The following TM7SF2 variants were observed in gnomAD, a reference collection of about 807,000 sequenced individuals.
TM7SF2 encodes the protein delta(14)-sterol reductase TM7SF2.
In TM7SF2, 51 loss-of-function variants were observed where a neutral mutation model predicts 51.0. The ratio of observed to expected loss-of-function variants is 1.00; its 90% CI spans 0.80 to 1.26. TM7SF2 has a LOEUF of 1.26. Among genes scored for constraint, TM7SF2 ranks in the 50% most tolerant of loss-of-function variants. TM7SF2 has a pLI of 0.00. For synonymous variants in TM7SF2, 255 were observed against 241.0 expected (o/e 1.06, Z -0.54); for missense variants, 541 against 547.4 (o/e 0.99, Z 0.12).
At position 65,112,569 on chromosome 11, in the gene TM7SF2, C is replaced by CG; in HGVS notation, c.109dup (p.Ala37GlyfsTer65). The CG allele has an allele frequency of 7.9e-6, 12 of 1,524,852 alleles. No homozygotes were observed. Among genetic ancestry groups the CG allele is most frequent in the Middle Eastern group, 2.3e-4 (1 of 4,328 alleles). 94.5% of individuals were successfully genotyped at this position (1,524,852 alleles called of 1,614,324 possible). On this transcript the variant is annotated frameshift_variant, in exon 2 of 10. Coordinates refer to ENST00000279263, the MANE Select transcript of TM7SF2 (RefSeq NM_003273.6). LOFTEE classifies it high-confidence loss of function. ...GCCACCATGTTCCACCTGCTCCTGG[C>CG]GGCCCGTTCGGGCCCCGCGCGCCTG...
Position 65,113,307 on chromosome 11 carries a change from T to C in TM7SF2, c.392T>C (p.Leu131Pro). The change falls in exon 4 of 10, where the codon CTG becomes CCG. Residue 131 changes from leucine (L) to proline (P), a missense_variant. By Grantham distance (98) the Leu-to-Pro change is moderately conservative. Transcript: ENST00000279263. ...CTGGGGGCGCTCCCGGAAATGCTCC[T>C]GCCCTTGGCGTTTGTCGCCACCCTC... ...LPLGALPEML[L>P]PLAFVATLTA... is the part of the protein sequence containing the mutation. 6.2e-7 allele frequency: 1 copy of C among 1,613,228 alleles called. No homozygotes were observed. Among genetic ancestry groups the C allele is most frequent in the East Asian group, 2.2e-5 (1 of 44,888 alleles).
At chr11:65,114,853 G>A in intron 6 of TM7SF2, 21 bp downstream of exon 6, 1 of 1,614,234 alleles carries the variant, frequency 6.2e-7, no homozygotes, top group Non-Finnish European at 8.5e-7. Flanking sequence ...ACTGGACGAG[G>A]GTGGGTGTCT....
intron 4 of TM7SF2, 35 bp from the exon 5 acceptor site, chr11:65,113,456 G>A (rs189101820): frequency 5.6e-6 from 9 of 1,613,616 alleles, no homozygotes; most frequent in South Asian, 5.5e-5. Context: ...AGATTGGGGC[G>A]TCTGCCTGTA....
chr11:65,112,615 G>GC lies in TM7SF2; in HGVS notation c.155dup (p.Leu54AlafsTer48). ...GCCTGCTGGGTCCACCCGCGTCCCT[G>GC]CCGGGGCTGGAGGTGCTGTGGAGCC... On this transcript the variant is annotated frameshift_variant, in exon 2 of 10. Coordinates refer to ENST00000279263, the MANE Select transcript of TM7SF2 (RefSeq NM_003273.6). LOFTEE classifies it high-confidence loss of function. 6.6e-7 allele frequency: 1 copy of GC among 1,519,834 alleles called. No individual in the cohort carries two copies. 94.1% of individuals were successfully genotyped at this position (1,519,834 alleles called of 1,614,324 possible).
chr11:65,115,218 CAG>C, intron 7 of TM7SF2, 94 bp from the exon 8 acceptor site: 3 of 1,591,918 alleles, frequency 1.9e-6, no homozygotes, highest in Non-Finnish European at 2.6e-6. Context: ...GGGGTCCAGG[CAG>C]AGTCTGGGCT....
chr11:65,114,526 G>A (rs1947950754), intron 5 of TM7SF2, 187 bp from the exon 6 acceptor site: 5 of 685,840 alleles, frequency 7.3e-6, no homozygotes, highest in East Asian at 5.6e-5. Flanking sequence ...AAGGGCTTAG[G>A]ACAGACAAGG....
In TM7SF2 at chr11:65,115,099, A is replaced by C; in HGVS notation, c.892+18A>C. ...CATCAATGGTCAGTCAGGAAGGGGC[A>C]GCAGGCTGGGCCCATCTTCCCCCTA... On this transcript the variant is annotated intron_variant, in intron 7 of 9. Transcript: ENST00000279263. The C allele has an allele frequency of 6.2e-7, 1 of 1,610,634 alleles. No individual in the cohort carries two copies. Among genetic ancestry groups the C allele is most frequent in the South Asian group, 1.1e-5 (1 of 91,022 alleles).
At chr11:65,113,175 T>C in intron 3 of TM7SF2, 45 bp from the exon 4 acceptor site, 1 of 1,510,458 alleles carries the variant, frequency 6.6e-7, no homozygotes, top group Non-Finnish European at 8.8e-7. Flanking sequence ...GGGGTGGGGA[T>C]GTGGAGGCGC....
Position 65,115,610 on chromosome 11 carries a change from A to G in TM7SF2, c.1096+12A>G. On this transcript the variant is annotated intron_variant, in intron 9 of 9. Transcript: ENST00000279263. ...GTCCTTGCCCTGCGGTGAGTGGCCCATGTGGATATGGGTAGGGACATGTGA... is the reference window on the plus strand; with the variant it reads ...GTCCTTGCCCTGCGGTGAGTGGCCCGTGTGGATATGGGTAGGGACATGTGA... 1 of 1,613,864 alleles carries G rather than the reference A, an allele frequency of 6.2e-7. No homozygotes were observed. The highest frequency in any genetic ancestry group is 8.5e-7 in the Non-Finnish European group (1 of 1,179,952).
At chr11:65,115,142 C>G in intron 7 of TM7SF2, 61 bp downstream of exon 7, 2 of 1,599,920 alleles carry the variant, frequency 1.3e-6, no homozygotes, top group Non-Finnish European at 1.7e-6. Context: ...GATTCATGCT[C>G]TGTTTACACG....
chr11:65,113,629 G>A, intron 5 of TM7SF2, 35 bp downstream of exon 5: 1 of 1,598,682 alleles, frequency 6.3e-7, no homozygotes. Context: ...CCTCAGGCCA[G>A]GGGGAGGGTT....
chr11:65,112,915 G>C, intron 3 of TM7SF2, 50 bp downstream of exon 3: 1 of 1,541,142 alleles, frequency 6.5e-7, no homozygotes, highest in Non-Finnish European at 8.8e-7. Flanking sequence ...CGGGGGTGGA[G>C]CTCCAGGCCT....
chr11:65,114,680 T>C (rs1474646843), intron 5 of TM7SF2, 33 bp from the exon 6 acceptor site: 1 of 1,608,658 alleles, frequency 6.2e-7, no homozygotes, highest in Non-Finnish European at 8.5e-7. Flanking sequence ...CTGCCACTTC[T>C]GTGGAGACTA....
chr11:65,113,679 C>A, intron 5 of TM7SF2, 85 bp downstream of exon 5: 1 of 1,151,416 alleles, frequency 8.7e-7, no homozygotes, highest in Non-Finnish European at 1.3e-6. Context: ...AGGGCCAAAA[C>A]TGTGCAGATG....
chr11:65,113,267 T>G lies in TM7SF2; in HGVS notation c.352T>G (p.Ser118Ala). The G allele has an allele frequency of 6.2e-7, 1 of 1,608,046 alleles. No individual in the cohort carries two copies. Among genetic ancestry groups the G allele is most frequent in the East Asian group, 2.2e-5 (1 of 44,894 alleles). Residue 118 changes from serine to alanine, a missense_variant, in exon 4 of 10, where the codon TCA (serine) becomes GCA (alanine). By Grantham distance (99) the Ser-to-Ala change is moderately conservative (BLOSUM62 1). Coordinates refer to ENST00000279263, the MANE Select transcript of TM7SF2 (RefSeq NM_003273.6). ...LTALLVGLGM[S>A]AGLPLGALPE... ...AGCCCTGTTGGTGGGGCTGGGGATGTCAGCGGGGCTGCCTCTGGGGGCGCT... is the reference window on the plus strand; with the variant it reads ...AGCCCTGTTGGTGGGGCTGGGGATGGCAGCGGGGCTGCCTCTGGGGGCGCT...
At chr11:65,115,689 G>A (rs1947971480) in intron 9 of TM7SF2, 91 bp downstream of exon 9, 1 of 1,606,784 alleles carries the variant, frequency 6.2e-7, no homozygotes, top group Non-Finnish European at 8.5e-7. Flanking sequence ...ATGCACCAGT[G>A]AGAGTAGTCA....
chr11:65,113,660 G>T, intron 5 of TM7SF2, 66 bp downstream of exon 5: 1 of 1,364,668 alleles, frequency 7.3e-7, no homozygotes, highest in South Asian at 1.2e-5. Context: ...AGCAGCGCTT[G>T]GGCAGGGCAG....
Position 65,112,431 on chromosome 11 carries a change from G to T in TM7SF2, c.53-84G>T, listed in dbSNP as rs1460524084. On this transcript the variant is annotated intron_variant, in intron 1 of 9. Coordinates refer to ENST00000279263, the MANE Select transcript of TM7SF2 (RefSeq NM_003273.6). ...ACTCTGGGAATGCCGAGAGGGTCCC[G>T]CAGAGACGTCAGGGCGCCCGTGCGG... 14 of 1,376,966 alleles carry T rather than the reference G, an allele frequency of 1.0e-5. No individual in the cohort carries two copies. In the African/African-American group the frequency reaches 2.0e-4, roughly 20 times the overall value. 85.3% of individuals were successfully genotyped at this position (1,376,966 alleles called of 1,614,324 possible).
Position 65,116,018 on chromosome 11 carries a change from C to T in TM7SF2, c.1222C>T (p.Arg408Cys), listed in dbSNP as rs1280686488. Residue 408 changes from arginine to cysteine, a missense_variant, in exon 10 of 10, where the codon CGT (arginine) becomes TGT (cysteine). Coordinates refer to ENST00000279263, the MANE Select transcript of TM7SF2 (RefSeq NM_003273.6). ...YGLAWQEYCR[R>C]VPYRIMPYIY ...CCTGGCCTGGCAGGAGTACTGCCGG[C>T]GTGTGCCTTACCGCATCATGCCCTA... 9 of 1,611,118 alleles carry T rather than the reference C, an allele frequency of 5.6e-6. No homozygotes were observed. The highest frequency in any genetic ancestry group is 7.6e-6 in the Non-Finnish European group (9 of 1,179,956).
Sources: allele counts gnomAD v4.1 joint callset, GRCh38; gene constraint gnomAD v4.1.1; transcripts MANE v1.5; gene names NCBI Gene and HGNC (gene_info 2026-07-23, HGNC 2026-07-21).